SLC15A1: variants seen among roughly 807,000 people sequenced by gnomAD.
SLC15A1 encodes Caco-2 oligopeptide transporter.
A neutral mutation model predicts 92.9 loss-of-function variants in SLC15A1; 83 were observed. That is an observed-to-expected ratio of 0.89 (90% CI 0.75 to 1.07). The LOEUF is 1.07. Ranked by LOEUF, SLC15A1 falls within the 50% of genes least tolerant of loss-of-function variation. SLC15A1 has a pLI of 0.00. For synonymous variants in SLC15A1, 322 were observed against 318.2 expected, an observed-to-expected ratio of 1.01 and a Z score of -0.13; for missense variants, 857 against 880.1, an observed-to-expected ratio of 0.97 and a Z score of 0.33.
At chr13:98,688,679 G>T in intron 18 of SLC15A1, 102 bp from the exon 19 acceptor site, 1 of 800,226 alleles carries the variant, frequency 1.2e-6, no homozygotes. Context: ...TATTTTGAAG[G>T]AGTTTAAGAT....
intron 1 of SLC15A1, among the ~76,000 whole-genome samples, chr13:98,735,331 G>A (rs546617341): frequency 3.0e-4 from 45 of 152,246 alleles, no homozygotes; most frequent in Non-Finnish European, 4.4e-4. Context: ...TTGATGGGAC[G>A]TATCTCAAAA....
At chr13:98,717,992 G>A (rs1214037063) in intron 8 of SLC15A1, among the ~76,000 whole-genome samples, 3 of 151,396 alleles carry the variant, frequency 2.0e-5, no homozygotes, top group South Asian at 2.1e-4. Context: ...TGAATGCCTC[G>A]AATAGACATA....
chr13:98,696,589 G>A lies in SLC15A1; in HGVS notation c.1466+5891C>T, dbSNP rs190901143. 1.8e-3 allele frequency among the ~76,000 whole-genome samples: 277 copies of A among 152,298 alleles called. 1 individual carries two copies. The highest frequency in any genetic ancestry group is 6.3e-3 in the African/African-American group (262 of 41,566). ...TCTGAGGCGAAAGGGAAACTCCAGA[G>A]GTGCTTCCAGCTCAGAATCAAATAC... On this transcript the variant is annotated intron_variant, in intron 18 of 22. Coordinates refer to ENST00000376503, the MANE Select transcript of SLC15A1 (RefSeq NM_005073.4).
At chr13:98,687,067 C>A (rs1263305661) in intron 21 of SLC15A1, among the ~76,000 whole-genome samples, 2 of 151,706 alleles carry the variant, frequency 1.3e-5, no homozygotes, top group East Asian at 3.9e-4. Context: ...CCTGCCTCAG[C>A]CTCCCAAGTA....
intron 18 of SLC15A1, among the ~76,000 whole-genome samples, chr13:98,700,887 A>G (rs2088061807): frequency 6.6e-6 from 1 of 152,134 alleles, no homozygotes; most frequent in South Asian, 2.1e-4. Flanking sequence ...TCATTCATGT[A>G]TGGGTCTATT....
chr13:98,729,677 G>C (rs748081932), intron 1 of SLC15A1, among the ~76,000 whole-genome samples: 5 of 152,138 alleles, frequency 3.3e-5, no homozygotes, highest in South Asian at 4.1e-4. Context: ...GCCCTTCCTT[G>C]CAGATTTACT....
chr13:98,685,783 C>T (rs760175247), intron 22 of SLC15A1, among the ~76,000 whole-genome samples: 5 of 152,056 alleles, frequency 3.3e-5, no homozygotes, highest in Admixed American at 1.3e-4. Context: ...GTCAAGAGAT[C>T]GAGACCATCC....
chr13:98,689,141 T>C (rs1361873734), intron 18 of SLC15A1, among the ~76,000 whole-genome samples: 2 of 152,184 alleles, frequency 1.3e-5, no homozygotes. Context: ...GGTTTCGCCA[T>C]GTTGGCCAGG....
chr13:98,699,165 C>A (rs192508059), intron 18 of SLC15A1, among the ~76,000 whole-genome samples: 106 of 152,220 alleles, frequency 7.0e-4, no homozygotes, highest in African/African-American at 2.3e-3. Flanking sequence ...TGGCTTTCTG[C>A]GAATGTCATG....
intron 1 of SLC15A1, among the ~76,000 whole-genome samples, chr13:98,741,286 G>C (rs1675113168): frequency 6.6e-6 from 1 of 152,206 alleles, no homozygotes; most frequent in African/African-American, 2.4e-5. Context: ...CACCCAGGCT[G>C]TGCCCATCCT....
chr13:98,718,958 C>A, intron 8 of SLC15A1, among the ~76,000 whole-genome samples: 1 of 152,182 alleles, frequency 6.6e-6, no homozygotes, highest in East Asian at 1.9e-4. Flanking sequence ...GGGCCTCTCT[C>A]ACCTTCATCT....
chr13:98,742,242 C>A (rs776770715), intron 1 of SLC15A1, among the ~76,000 whole-genome samples: 1 of 152,210 alleles, frequency 6.6e-6, no homozygotes, highest in African/African-American at 2.4e-5. Context: ...ACCACTCAGC[C>A]GCAGCCTGGC....
chr13:98,708,584 CCT>C, intron 15 of SLC15A1, 100 bp downstream of exon 15: 1 of 967,184 alleles, frequency 1.0e-6, no homozygotes, highest in Non-Finnish European at 1.5e-6. Context: ...CAGAGAAAGA[CCT>C]TGGCCTCCCC....
intron 1 of SLC15A1, among the ~76,000 whole-genome samples, chr13:98,727,257 GAC>G (rs2088309990): frequency 6.6e-6 from 1 of 152,208 alleles, no homozygotes; most frequent in East Asian, 1.9e-4. Flanking sequence ...CTGAGTGCCT[GAC>G]ACACTGTGCA....
Position 98,708,398 on chromosome 13 carries a change from A to G in SLC15A1, c.1149+288T>C, listed in dbSNP as rs562858619. Among the ~76,000 whole-genome samples, 7 of 152,268 alleles carry G rather than the reference A, an allele frequency of 4.6e-5. No homozygotes were observed. In the East Asian group the frequency reaches 1.4e-3, roughly 29 times the overall value. ...TAAGTGATGAACTTCTTTTAACCAG[A>G]TTCCCTGGGAGTTCAGATTGTGAAG... On this transcript the variant is annotated intron_variant, in intron 15 of 22. Transcript: ENST00000376503.
intron 11 of SLC15A1, among the ~76,000 whole-genome samples, chr13:98,711,512 C>A (rs542709576): frequency 6.6e-6 from 1 of 152,256 alleles, no homozygotes; most frequent in East Asian, 1.9e-4. Flanking sequence ...CTTGTTACCA[C>A]GCTGTATTGG....
chr13:98,747,368 C>G (rs1269026883), intron 1 of SLC15A1, among the ~76,000 whole-genome samples: 1 of 152,160 alleles, frequency 6.6e-6, no homozygotes, highest in Non-Finnish European at 1.5e-5. Flanking sequence ...TGTCTGAGAG[C>G]TTCTGCCTCC....
intron 7 of SLC15A1, 128 bp downstream of exon 7, chr13:98,721,367 G>T: frequency 1.4e-6 from 1 of 737,006 alleles, no homozygotes. Flanking sequence ...AGATTCCAAC[G>T]TGCATCCCAG....
chr13:98,687,605 C>T lies in SLC15A1; in HGVS notation c.1803G>A (p.Thr601=), dbSNP rs146831294. 3.8e-5 allele frequency: 61 copies of T among 1,613,956 alleles called. No individual in the cohort carries two copies. In the East Asian group the frequency reaches 6.0e-4, roughly 16 times the overall value. ...LTCGEVVFSV[T]GLEFSYSQAP... ...CCTGAGAATATGAGAATTCCAATCC[C>T]GTGACAGAGAAGACCACTTCGCCAC... The change falls in exon 21 of 23, where the codon ACG becomes ACA. Residue 601 remains threonine, a synonymous_variant. Coordinates refer to ENST00000376503, the MANE Select transcript of SLC15A1 (RefSeq NM_005073.4).
Sources: gnomAD v4.1 joint callset for allele counts (sites outside exome capture counted in the v4.1 genomes callset) on GRCh38, gnomAD v4.1.1 for gene constraint, MANE v1.5 for transcripts, NCBI Gene and HGNC (gene_info 2026-07-23, HGNC 2026-07-21) for gene names.